Variants in DCDC2B observed in about 807,000 individuals in gnomAD.
The protein encoded by DCDC2B is doublecortin domain containing 2B, also known as doublecortin domain-containing protein 2B.
Under a neutral mutation model 38.9 loss-of-function variants are expected in DCDC2B, and 41 were observed. The ratio of observed to expected loss-of-function variants is 1.05; its 90% CI spans 0.82 to 1.37. The LOEUF (loss-of-function observed/expected upper bound fraction) is 1.37. Ranked by LOEUF, DCDC2B falls within the 40% of genes most tolerant of loss-of-function variation. The probability of loss-of-function intolerance (pLI) is 0.00; values close to 1 mark genes in which losing one functional copy is unlikely to be tolerated. For missense variants in DCDC2B, 453 were observed against 427.2 expected (o/e 1.06, Z -0.53); for synonymous variants, 181 against 171.9 (o/e 1.05, Z -0.41).
chr1:32,214,117 C>T (rs1243442495), intron 6 of DCDC2B, among the ~76,000 whole-genome samples: 1 of 151,638 alleles, frequency 6.6e-6, no homozygotes. Flanking sequence ...CAAGACCAGC[C>T]TGGCCAACAT....
At position 32,212,605 on chromosome 1, in the gene DCDC2B, G is replaced by A. The variant is rs1643634256; in HGVS notation, c.643G>A (p.Val215Met). 1.2e-6 allele frequency: 2 copies of A among 1,614,026 alleles called. No individual in the cohort carries two copies. The highest frequency in any genetic ancestry group is 1.1e-5 in the South Asian group (1 of 91,084). Residue 215 changes from valine (V) to methionine (M), a missense_variant, in exon 5 of 9, where the codon GTG (valine) becomes ATG (methionine). Physicochemically the swap from Val to Met is conservative, Grantham distance 21. Coordinates refer to ENST00000409358, the MANE Select transcript of DCDC2B (RefSeq NM_001099434.2). ...FKDLPYLELL[V>M]PSPSLPRGCW... ...GGACCTTCCCTATCTGGAGCTGCTG[G>A]TGCCCAGCCCCTCCCTGCCCAGGGG...
rs1020709178 is a variant in DCDC2B, at chr1:32,215,941, C to G, written c.*44C>G. ...GGCAACTGGGGACCACTACTCTGGC[C>G]ACCTTTTGTCCTTAGCCTCCAGCAG... On this transcript the variant is annotated 3_prime_UTR_variant, in exon 9 of 9. Coordinates refer to ENST00000409358, the MANE Select transcript of DCDC2B (RefSeq NM_001099434.2). The G allele has an allele frequency of 6.8e-7, 1 of 1,463,502 alleles. No individual in the cohort carries two copies. Among genetic ancestry groups the G allele is most frequent in the Non-Finnish European group, 9.4e-7 (1 of 1,069,018 alleles). The allele number at this position is 1,463,502 out of a possible 1,614,324, so 90.7% of individuals were successfully genotyped here. A position where few individuals can be genotyped will look rare whatever the true frequency, so the allele number is the denominator to read the frequency against.
chr1:32,211,761 G>T lies in DCDC2B; in HGVS notation c.319G>T (p.Gly107Cys), dbSNP rs753877276. Residue 107 changes from glycine to cysteine, a missense_variant and splice_region_variant, in exon 3 of 9, where the codon GGT (glycine) becomes TGT (cysteine). Coordinates refer to ENST00000409358, the MANE Select transcript of DCDC2B (RefSeq NM_001099434.2). ...TTTGGAGGCCTGACATGGGTTTCAG[G>T]GTCCTCCCGTGACTCGCCACTTGTG... ...DPGGKSCRLQ[G>C]PPVTRHLCDG... 1 of 1,605,576 alleles carries T rather than the reference G, an allele frequency of 6.2e-7. No individual in the cohort carries two copies. The highest frequency in any genetic ancestry group is 1.1e-5 in the South Asian group (1 of 89,104).
chr1:32,209,214 T>G lies in DCDC2B; in HGVS notation c.121T>G (p.Cys41Gly), dbSNP rs760812516. The G allele has an allele frequency of 3.1e-6, 5 of 1,614,022 alleles. No homozygotes were observed. The highest frequency in any genetic ancestry group is 3.4e-6 in the Non-Finnish European group (4 of 1,179,876). The change falls in exon 1 of 9, where the codon TGC (cysteine) becomes GGC (glycine). Residue 41 changes from cysteine to glycine, a missense_variant. Transcript: ENST00000409358. ...RRFPTMEAFL[C>G]EVTSAVQAPL... ...CTTCCCCACCATGGAGGCCTTCCTCTGCGAGGTGACATCAGCTGTGCAGGC... is the reference window on the plus strand; with the variant it reads ...CTTCCCCACCATGGAGGCCTTCCTCGGCGAGGTGACATCAGCTGTGCAGGC...
In DCDC2B at chr1:32,212,091, G is replaced by C. The variant is rs777364069; in HGVS notation, c.417G>C (p.Leu139=). ...TCAGTGTGTTCAGGAATGGGGACCT[G>C]GTAAGTCCCCCATTTAGTCTGAAGC... ...SYIHVFRNGD[L]VSPPFSLKLS... Residue 139 remains leucine, a synonymous_variant, in exon 4 of 9, where the codon CTG becomes CTC. Transcript: ENST00000409358. 5.6e-6 allele frequency: 9 copies of C among 1,613,582 alleles called. No individual in the cohort carries two copies. The South Asian group carries it at 8.8e-5, about 16-fold the overall frequency.
Position 32,212,198 on chromosome 1 carries a change from G to A in DCDC2B, c.524G>A (p.Cys175Tyr). The A allele has an allele frequency of 1.2e-6, 2 of 1,613,104 alleles. No homozygotes were observed. Among genetic ancestry groups the A allele is most frequent in the Non-Finnish European group, 8.5e-7 (1 of 1,179,780 alleles). Residue 175 changes from cysteine (C) to tyrosine (Y), a missense_variant, in exon 4 of 9, where the codon TGC becomes TAC. Physicochemically the swap from Cys to Tyr is radical, Grantham distance 194. Transcript: ENST00000409358. ...EKVKLQSGAV[C>Y]KLCTLEGLPL... ...GTCAAGTTGCAGAGTGGGGCTGTGTGCAAGTGAGTATGGGGACTGCGAGGG... is the reference window on the plus strand; with the variant it reads ...GTCAAGTTGCAGAGTGGGGCTGTGTACAAGTGAGTATGGGGACTGCGAGGG...
In DCDC2B at chr1:32,210,782, A is replaced by G. The variant is rs191651198; in HGVS notation, c.267-490A>G. On this transcript the variant is annotated intron_variant, in intron 1 of 8. Transcript: ENST00000409358. Reference sequence around the variant, plus strand: ...CGGAGTGCAGTGCACTGGCGCGATCATGGCTCACTGCAGCCTCGAACTCCT... The same window carrying G: ...CGGAGTGCAGTGCACTGGCGCGATCGTGGCTCACTGCAGCCTCGAACTCCT... Among the ~76,000 whole-genome samples the G allele has an allele frequency of 3.4e-3, 523 of 151,826 alleles. 1 individual carries two copies. Among genetic ancestry groups the G allele is most frequent in the South Asian group, 7.9e-3 (38 of 4,808 alleles).
rs12035202 is a variant in DCDC2B at position 32,210,204 on chromosome 1, G to A, written c.266+845G>A. On this transcript the variant is annotated intron_variant, in intron 1 of 8. Coordinates refer to ENST00000409358, the MANE Select transcript of DCDC2B (RefSeq NM_001099434.2). Reference sequence around the variant, plus strand: ...TAGCTGAGCGTAGTGGCGCATGTCTGTAATCCCAGCTGCTCGGGTGGCTGA... The same window carrying A: ...TAGCTGAGCGTAGTGGCGCATGTCTATAATCCCAGCTGCTCGGGTGGCTGA... Among the ~76,000 whole-genome samples the A allele has an allele frequency of 5.9e-3, 893 of 152,068 alleles. 19 individuals carry two copies. Among genetic ancestry groups the A allele is most frequent in the East Asian group, 0.042 (217 of 5,172 alleles).
rs1299624299 is a variant in DCDC2B at position 32,209,098 on chromosome 1, C to T, written c.5C>T (p.Ala2Val). M[A>V]GGSPAAKRVV... ...TTCTCTGACTGAGGATACACTATGG[C>T]AGGTGGCAGTCCAGCAGCCAAGAGG... Residue 2 changes from alanine to valine, a missense_variant, in exon 1 of 9, where the codon GCA becomes GTA. Ala to Val is a moderately conservative substitution (Grantham distance 64, BLOSUM62 0). Coordinates refer to ENST00000409358, the MANE Select transcript of DCDC2B (RefSeq NM_001099434.2). 3 of 1,613,440 alleles carry T rather than the reference C, an allele frequency of 1.9e-6. No homozygotes were observed. In the East Asian group the frequency reaches 6.7e-5, roughly 36 times the overall value.
intron 8 of DCDC2B, 26 bp downstream of exon 8, chr1:32,215,569 A>G (rs1166447160): frequency 7.5e-6 from 12 of 1,605,236 alleles, no homozygotes; most frequent in South Asian, 1.1e-5. Flanking sequence ...AGGAAACAGT[A>G]TGTTGGGGTG....
chr1:32,211,230 T>C, intron 1 of DCDC2B, 42 bp from the exon 2 acceptor site: 1 of 1,598,120 alleles, frequency 6.3e-7, no homozygotes, highest in Non-Finnish European at 8.6e-7. Flanking sequence ...TATTGAGGCC[T>C]CAGTCTCCAC....
Position 32,215,923 on chromosome 1 carries a change from G to A in DCDC2B, c.*26G>A. 5 of 1,527,356 alleles carry A rather than the reference G, an allele frequency of 3.3e-6. No homozygotes were observed. Among genetic ancestry groups the A allele is most frequent in the East Asian group, 2.5e-5 (1 of 40,766 alleles). 94.6% of individuals were successfully genotyped at this position (1,527,356 alleles called of 1,614,324 possible). A position where few individuals can be genotyped will look rare whatever the true frequency, so the allele number is the denominator to read the frequency against. Reference sequence around the variant, plus strand: ...GAGCCAGCAGCTCCAGAGGGCAACTGGGGACCACTACTCTGGCCACCTTTT... The same window carrying A: ...GAGCCAGCAGCTCCAGAGGGCAACTAGGGACCACTACTCTGGCCACCTTTT... On this transcript the variant is annotated 3_prime_UTR_variant, in exon 9 of 9. Coordinates refer to ENST00000409358, the MANE Select transcript of DCDC2B (RefSeq NM_001099434.2).
chr1:32,209,987 G>A (rs1459645136), intron 1 of DCDC2B, among the ~76,000 whole-genome samples: 8 of 152,172 alleles, frequency 5.3e-5, no homozygotes, highest in Admixed American at 4.6e-4. Context: ...GAGGTCAGGT[G>A]TTCGAGACCA....
chr1:32,209,289 A>G lies in DCDC2B; in HGVS notation c.196A>G (p.Thr66Ala). 6.2e-7 allele frequency: 1 copy of G among 1,613,988 alleles called. No homozygotes were observed. Among genetic ancestry groups the G allele is most frequent in the Non-Finnish European group, 8.5e-7 (1 of 1,179,894 alleles). ...LYTPCHGHPV[T>A]NLADLKNRGQ... ...CACACCTTGTCATGGCCACCCTGTC[A>G]CCAACCTGGCAGACTTGAAGAACAG... The change falls in exon 1 of 9, where the codon ACC becomes GCC. Residue 66 changes from threonine (T) to alanine (A), a missense_variant. By Grantham distance (58) the Thr-to-Ala change is moderately conservative (BLOSUM62 0). Transcript: ENST00000409358.
Position 32,215,490 on chromosome 1 carries a change from G to A in DCDC2B, c.901G>A (p.Ala301Thr), listed in dbSNP as rs373546059. The part of the protein sequence containing the change: ...APHRRKETAG[A>T]LEVADDEDTQ... ...CCACCGAAGGAAGGAGACAGCGGGG[G>A]CCCTGGAAGTAGCAGATGATGAAGA... Residue 301 changes from alanine to threonine, a missense_variant, in exon 8 of 9, where the codon GCC becomes ACC. Physicochemically the swap from Ala to Thr is moderately conservative, Grantham distance 58. Transcript: ENST00000409358. The A allele has an allele frequency of 3.1e-6, 5 of 1,613,754 alleles. No homozygotes were observed. Among genetic ancestry groups the A allele is most frequent in the Middle Eastern group, 1.7e-4 (1 of 5,934 alleles).
intron 4 of DCDC2B, 48 bp downstream of exon 4, chr1:32,212,249 G>C: frequency 6.3e-7 from 1 of 1,598,472 alleles, no homozygotes; most frequent in Non-Finnish European, 8.6e-7. Context: ...AGAGAGCCTC[G>C]CCACTGGCTT....
In DCDC2B at chr1:32,211,255, T is replaced by A. The variant is rs1370574884; in HGVS notation, c.267-17T>A. The A allele has an allele frequency of 1.9e-6, 3 of 1,613,408 alleles. No individual in the cohort carries two copies. Among genetic ancestry groups the A allele is most frequent in the Admixed American group, 1.7e-5 (1 of 59,998 alleles). ...TCAGTCTCCACAAGATGACCTGTGATCTATCTGTCCTTTCAGCTATTTACC... is the reference window on the plus strand; with the variant it reads ...TCAGTCTCCACAAGATGACCTGTGAACTATCTGTCCTTTCAGCTATTTACC... On this transcript the variant is annotated splice_polypyrimidine_tract_variant and intron_variant, in intron 1 of 8. Coordinates refer to ENST00000409358, the MANE Select transcript of DCDC2B (RefSeq NM_001099434.2).
At chr1:32,215,253 G>A (rs1638280454) in intron 7 of DCDC2B, 187 bp from the exon 8 acceptor site, 2 of 610,792 alleles carry the variant, frequency 3.3e-6, no homozygotes, top group South Asian at 4.4e-5. Context: ...AAGACTTCAG[G>A]GGTGGGATAT....
chr1:32,209,470 T>G, intron 1 of DCDC2B, 111 bp downstream of exon 1: 2 of 1,460,344 alleles, frequency 1.4e-6, no homozygotes, highest in South Asian at 1.4e-5. Context: ...TACTGAACTC[T>G]ATGTAGGGGG....
Sources: allele counts gnomAD v4.1 joint callset (sites outside exome capture counted in the v4.1 genomes callset), GRCh38; gene constraint gnomAD v4.1.1; transcripts MANE v1.5; gene names NCBI Gene and HGNC (gene_info 2026-07-23, HGNC 2026-07-21).